Variants in PLXDC2 observed in about 807,000 individuals in gnomAD.
PLXDC2 encodes the protein plexin domain-containing protein 2.
Under a neutral mutation model 68.9 loss-of-function variants are expected in PLXDC2, and 40 were observed. That is an observed-to-expected ratio of 0.58 (90% CI 0.45 to 0.76). The LOEUF is 0.76. PLXDC2 is among the 30% of genes least tolerant of loss of function. The probability of loss-of-function intolerance (pLI) is 0.00; values close to 1 mark genes in which losing one functional copy is unlikely to be tolerated. For missense variants in PLXDC2, 644 were observed against 661.9 expected, an observed-to-expected ratio of 0.97 and a Z score of 0.30; for synonymous variants, 243 against 234.2, an observed-to-expected ratio of 1.04 and a Z score of -0.34.
chr10:20,180,112 G>A (rs1021841493), intron 9 of PLXDC2, among the ~76,000 whole-genome samples: 1 of 151,930 alleles, frequency 6.6e-6, no homozygotes, highest in Non-Finnish European at 1.5e-5. Flanking sequence ...GAGGAAAATC[G>A]AGCAAAGTCT....
chr10:19,843,221 A>G (rs1186069657), intron 1 of PLXDC2, among the ~76,000 whole-genome samples: 2 of 152,192 alleles, frequency 1.3e-5, no homozygotes, highest in Non-Finnish European at 2.9e-5. Context: ...TGTGGTAAAC[A>G]TGCTTTTCAT....
At chr10:19,982,145 C>T (rs1834561483) in intron 1 of PLXDC2, among the ~76,000 whole-genome samples, 1 of 152,208 alleles carries the variant, frequency 6.6e-6, no homozygotes, top group Non-Finnish European at 1.5e-5. Context: ...AGAGTAAATG[C>T]ATTCATTTTT....
intron 1 of PLXDC2, among the ~76,000 whole-genome samples, chr10:19,899,487 G>T (rs1838122580): frequency 2.0e-5 from 3 of 152,008 alleles, no homozygotes. Flanking sequence ...ATTAATGCAG[G>T]ATTTTTTGAT....
At position 20,288,094 on chromosome 10, in the gene PLXDC2, A is replaced by G. The variant is rs914267356; in HGVS notation, c.*8275A>G. The G allele has an allele frequency of 6.6e-6, 1 of 151,912 alleles. No individual in the cohort carries two copies. The highest frequency in any genetic ancestry group is 1.5e-5 in the Non-Finnish European group (1 of 68,008). The allele number at this position is 151,912 out of a possible 1,614,324, so 9.4% of individuals were successfully genotyped here. On this transcript the variant is annotated 3_prime_UTR_variant, in exon 14 of 14. Transcript: ENST00000377252. ...AATGGCACCCTTTGTCAGAATCACA[A>G]AGCTCACTGCGGCACTGCTACAAGA...
chr10:19,957,903 T>G (rs1834096800), intron 1 of PLXDC2, among the ~76,000 whole-genome samples: 1 of 152,112 alleles, frequency 6.6e-6, no homozygotes, highest in African/African-American at 2.4e-5. Context: ...GAGTTTCAGT[T>G]TTATGCAGTC....
intron 1 of PLXDC2, among the ~76,000 whole-genome samples, chr10:19,931,120 T>C (rs1833624408): frequency 6.6e-6 from 1 of 152,228 alleles, no homozygotes; most frequent in South Asian, 2.1e-4. Flanking sequence ...AGAGCTTGTC[T>C]GGTTAGTTAG....
chr10:20,267,083 C>T (rs148757712), intron 13 of PLXDC2, among the ~76,000 whole-genome samples: 3 of 152,246 alleles, frequency 2.0e-5, no homozygotes, highest in Non-Finnish European at 4.4e-5. Context: ...AGATAAACAA[C>T]TCTTTAAATT....
At chr10:19,892,338 G>C (rs1187405380) in intron 1 of PLXDC2, among the ~76,000 whole-genome samples, 1 of 152,142 alleles carries the variant, frequency 6.6e-6, no homozygotes, top group African/African-American at 2.4e-5. Flanking sequence ...CATTCAGCTA[G>C]TAAGAAGTTG....
chr10:20,260,539 G>A (rs1054194432), intron 13 of PLXDC2, among the ~76,000 whole-genome samples: 16 of 152,162 alleles, frequency 1.1e-4, no homozygotes, highest in African/African-American at 3.9e-4. Flanking sequence ...CCTTTTTTAA[G>A]GCTGAATAGT....
At chr10:19,881,314 C>A (rs1337496334) in intron 1 of PLXDC2, among the ~76,000 whole-genome samples, 1 of 152,052 alleles carries the variant, frequency 6.6e-6, no homozygotes, top group African/African-American at 2.4e-5. Context: ...CAGGGTTTCA[C>A]CATGTTGGTC....
chr10:20,130,870 T>C (rs1284173125), intron 4 of PLXDC2, among the ~76,000 whole-genome samples: 1 of 152,196 alleles, frequency 6.6e-6, no homozygotes, highest in East Asian at 1.9e-4. Context: ...TGCTGTTGAA[T>C]TAGATTTTCT....
At chr10:20,114,064 C>A (rs1209998955) in intron 4 of PLXDC2, among the ~76,000 whole-genome samples, 1 of 152,166 alleles carries the variant, frequency 6.6e-6, no homozygotes, top group African/African-American at 2.4e-5. Context: ...GTGGAGGTTG[C>A]AGTGAGCCGA....
intron 1 of PLXDC2, among the ~76,000 whole-genome samples, chr10:19,904,741 A>T (rs753138662): frequency 3.3e-5 from 5 of 152,214 alleles, no homozygotes; most frequent in African/African-American, 7.2e-5. Flanking sequence ...TGTCTGTCCA[A>T]GCAGGAGCTG....
chr10:19,883,707 T>A (rs1233455496), intron 1 of PLXDC2, among the ~76,000 whole-genome samples: 1 of 151,732 alleles, frequency 6.6e-6, no homozygotes, highest in Admixed American at 6.6e-5. Context: ...GAAAAAAAAA[T>A]TCAGAGAGAA....
At chr10:19,948,062 A>G (rs1228986587) in intron 1 of PLXDC2, among the ~76,000 whole-genome samples, 1 of 152,182 alleles carries the variant, frequency 6.6e-6, no homozygotes, top group African/African-American at 2.4e-5. Context: ...AAAGGATGAA[A>G]TGCTTAAATA....
intron 1 of PLXDC2, among the ~76,000 whole-genome samples, chr10:19,839,678 T>G (rs1554838991): frequency 6.6e-6 from 1 of 152,024 alleles, no homozygotes; most frequent in Non-Finnish European, 1.5e-5. Context: ...CAGAGAATTC[T>G]TAGTACCTGA....
intron 1 of PLXDC2, among the ~76,000 whole-genome samples, chr10:19,860,607 A>ACTT (rs1439858022): frequency 6.6e-6 from 1 of 152,164 alleles, no homozygotes; most frequent in Admixed American, 6.5e-5. Context: ...AGAAATCTAA[A>ACTT]CTTCCATGAG....
At chr10:19,881,003 G>T (rs560452551) in intron 1 of PLXDC2, among the ~76,000 whole-genome samples, 22 of 152,120 alleles carry the variant, frequency 1.4e-4, no homozygotes, top group Non-Finnish European at 2.9e-4. Context: ...AAATTAGGTT[G>T]TGCTCAAATG....
At chr10:19,913,796 G>T (rs1160148710) in intron 1 of PLXDC2, among the ~76,000 whole-genome samples, 1 of 152,088 alleles carries the variant, frequency 6.6e-6, no homozygotes. Flanking sequence ...CTTAGAAAGT[G>T]TTTATTGTAT....
Sources: allele counts gnomAD v4.1 joint callset (sites outside exome capture counted in the v4.1 genomes callset), GRCh38; gene constraint gnomAD v4.1.1; transcripts MANE v1.5; gene names NCBI Gene and HGNC (gene_info 2026-07-23, HGNC 2026-07-21).